Variants in TMEM132D observed in about 807,000 individuals in gnomAD.
The protein encoded by TMEM132D is transmembrane protein 132D.
Under a neutral mutation model 62.3 loss-of-function variants are expected in TMEM132D, and 21 were observed. That is an observed-to-expected ratio of 0.34 (90% CI 0.24 to 0.49). TMEM132D has a LOEUF of 0.49. Among genes scored for constraint, TMEM132D ranks in the 20% least tolerant of loss-of-function variants. TMEM132D has a pLI of 0.99. For synonymous variants in TMEM132D, 621 were observed against 575.6 expected, an observed-to-expected ratio of 1.08 and a Z score of -1.13; for missense variants, 1,346 against 1,402.8, an observed-to-expected ratio of 0.96 and a Z score of 0.65.
At chr12:129,849,091 A>G in intron 1 of TMEM132D, among the ~76,000 whole-genome samples, 1 of 152,194 alleles carries the variant, frequency 6.6e-6, no homozygotes, top group Non-Finnish European at 1.5e-5. Context: ...AACACATTCT[A>G]TGTGGTCACG....
At chr12:129,826,202 C>T (rs74938896) in intron 1 of TMEM132D, among the ~76,000 whole-genome samples, 6,847 of 152,256 alleles carry the variant, frequency 0.045, 515 homozygotes, top group African/African-American at 0.15. Context: ...ACTGTGACCA[C>T]GGGAGCAGGG....
At chr12:129,839,424 C>T (rs142335608) in intron 1 of TMEM132D, among the ~76,000 whole-genome samples, 1 of 151,696 alleles carries the variant, frequency 6.6e-6, no homozygotes, top group African/African-American at 2.4e-5. Flanking sequence ...CCGTACCCGG[C>T]CCTAATTTTT....
At chr12:129,140,063 T>A (rs1398398871) in intron 5 of TMEM132D, among the ~76,000 whole-genome samples, 1 of 151,862 alleles carries the variant, frequency 6.6e-6, no homozygotes, top group Admixed American at 6.6e-5. Context: ...TTCTTTTTCA[T>A]TTTTTTTAAG....
At chr12:129,764,514 A>C (rs10847937) in intron 1 of TMEM132D, among the ~76,000 whole-genome samples, 33,469 of 152,102 alleles carry the variant, frequency 0.22, 3,740 homozygotes, top group South Asian at 0.28. Flanking sequence ...GTTTCTGAGA[A>C]ATCAATATCA....
At position 129,715,485 on chromosome 12, in the gene TMEM132D, T is replaced by C. The variant is rs114633225; in HGVS notation, c.80-14787A>G. Among the ~76,000 whole-genome samples, 274 of 152,306 alleles carry C rather than the reference T, an allele frequency of 1.8e-3. 4 individuals are homozygous for C. Among genetic ancestry groups the C allele is most frequent in the Middle Eastern group, 0.017 (5 of 294 alleles). On this transcript the variant is annotated intron_variant, in intron 1 of 8. Coordinates refer to ENST00000422113, the MANE Select transcript of TMEM132D (RefSeq NM_133448.3). ...ACCTTTCTAAGTTTTCCAGTTCTGA[T>C]TGTATGGGAGTTAAGACTCTGTAGA...
intron 1 of TMEM132D, among the ~76,000 whole-genome samples, chr12:129,713,248 C>T (rs1292454975): frequency 6.6e-6 from 1 of 152,074 alleles, no homozygotes; most frequent in East Asian, 1.9e-4. Context: ...CTGATATGTG[C>T]TCAAGTGTGA....
chr12:129,104,692 A>C (rs2135638868), intron 5 of TMEM132D, among the ~76,000 whole-genome samples: 1 of 151,858 alleles, frequency 6.6e-6, no homozygotes, highest in South Asian at 2.1e-4. Flanking sequence ...AAACAAATTT[A>C]CAAGAAAAAA....
intron 2 of TMEM132D, among the ~76,000 whole-genome samples, chr12:129,670,690 T>C (rs1880482231): frequency 6.6e-6 from 1 of 152,234 alleles, no homozygotes; most frequent in South Asian, 2.1e-4. Flanking sequence ...TGTGAATTAC[T>C]CTTCCTCTAT....
intron 3 of TMEM132D, among the ~76,000 whole-genome samples, chr12:129,381,871 G>A (rs965109693): frequency 2.0e-5 from 3 of 152,144 alleles, no homozygotes; most frequent in Non-Finnish European, 4.4e-5. Context: ...ACTACCTGCT[G>A]CCCAGCATAA....
chr12:129,769,693 G>A (rs796410980), intron 1 of TMEM132D, among the ~76,000 whole-genome samples: 2 of 152,248 alleles, frequency 1.3e-5, no homozygotes, highest in African/African-American at 4.8e-5. Context: ...GCCAATCCTT[G>A]GAAGGCTATT....
chr12:129,706,828 C>T (rs376170491), intron 1 of TMEM132D, among the ~76,000 whole-genome samples: 1 of 151,242 alleles, frequency 6.6e-6, no homozygotes, highest in East Asian at 1.9e-4. Flanking sequence ...TAAGAGAAAC[C>T]CAACTACTTA....
intron 5 of TMEM132D, among the ~76,000 whole-genome samples, chr12:129,152,027 G>A (rs763562049): frequency 2.0e-5 from 3 of 151,948 alleles, no homozygotes; most frequent in Non-Finnish European, 4.4e-5. Flanking sequence ...ACAGGCGCCC[G>A]CCATCATGCC....
chr12:129,736,920 C>T (rs1869446479), intron 1 of TMEM132D, among the ~76,000 whole-genome samples: 1 of 151,280 alleles, frequency 6.6e-6, no homozygotes, highest in African/African-American at 2.4e-5. Flanking sequence ...CGGGCTCAAG[C>T]GATTCTCCTG....
chr12:129,082,338 A>G (rs931051003), intron 6 of TMEM132D, among the ~76,000 whole-genome samples: 9 of 152,246 alleles, frequency 5.9e-5, no homozygotes, highest in Non-Finnish European at 1.0e-4. Flanking sequence ...AGTTTCTTTC[A>G]TCCAATGAAA....
intron 1 of TMEM132D, among the ~76,000 whole-genome samples, chr12:129,880,663 A>T (rs1251387964): frequency 6.6e-6 from 1 of 152,152 alleles, no homozygotes; most frequent in Non-Finnish European, 1.5e-5. Context: ...CAGAAATTAG[A>T]TTGTGATCAA....
chr12:129,522,657 C>G (rs1014687900), intron 3 of TMEM132D: 1 of 152,112 alleles, frequency 6.6e-6, no homozygotes, highest in African/African-American at 2.4e-5. Context: ...TCAAAAACAT[C>G]GAAGACTATT....
At chr12:129,268,155 A>G (rs953743330) in intron 4 of TMEM132D, among the ~76,000 whole-genome samples, 10 of 152,250 alleles carry the variant, frequency 6.6e-5, no homozygotes, top group South Asian at 2.1e-4. Context: ...CACCAAAAGC[A>G]ATGGCAACCA....
chr12:129,381,022 G>A (rs992977820), intron 3 of TMEM132D, among the ~76,000 whole-genome samples: 2 of 152,108 alleles, frequency 1.3e-5, no homozygotes, highest in African/African-American at 4.8e-5. Context: ...GATTTGTGTG[G>A]GCTCCTAAAT....
At chr12:129,196,286 T>C (rs550636365) in intron 5 of TMEM132D, among the ~76,000 whole-genome samples, 15 of 152,146 alleles carry the variant, frequency 9.9e-5, no homozygotes, top group Non-Finnish European at 1.9e-4. Context: ...TAGGATGCAG[T>C]TGTGGTTTTA....
Sources: allele counts gnomAD v4.1 joint callset (sites outside exome capture counted in the v4.1 genomes callset), GRCh38; gene constraint gnomAD v4.1.1; transcripts MANE v1.5; gene names NCBI Gene and HGNC (gene_info 2026-07-23, HGNC 2026-07-21).